EGFLAM: variants seen among roughly 807,000 people sequenced by gnomAD.
EGFLAM encodes the protein pikachurin.
Under a neutral mutation model 113.1 loss-of-function variants are expected in EGFLAM, and 79 were observed. The ratio of observed to expected loss-of-function variants is 0.70; its 90% CI spans 0.58 to 0.84. EGFLAM has a LOEUF of 0.84. Ranked by LOEUF, EGFLAM falls within the 40% of genes least tolerant of loss-of-function variation. The probability of loss-of-function intolerance (pLI) is 0.00; values close to 1 mark genes in which losing one functional copy is unlikely to be tolerated. For missense variants in EGFLAM, 1,265 were observed against 1,291.6 expected, an observed-to-expected ratio of 0.98 and a Z score of 0.32; for synonymous variants, 504 against 487.6, an observed-to-expected ratio of 1.03 and a Z score of -0.44.
chr5:38,434,368 C>T (rs1044999817), intron 15 of EGFLAM, among the ~76,000 whole-genome samples: 3 of 152,180 alleles, frequency 2.0e-5, no homozygotes, highest in Non-Finnish European at 4.4e-5. Context: ...GTCTGTATTC[C>T]CTGCTCGCAT....
intron 11 of EGFLAM, among the ~76,000 whole-genome samples, chr5:38,417,710 T>A (rs905408788): frequency 2.0e-5 from 3 of 152,132 alleles, no homozygotes; most frequent in Non-Finnish European, 4.4e-5. Flanking sequence ...CTAAGATCCT[T>A]CCAAAGTACA....
intron 15 of EGFLAM, among the ~76,000 whole-genome samples, chr5:38,433,270 A>G (rs1197390631): frequency 6.6e-6 from 1 of 152,188 alleles, no homozygotes; most frequent in Admixed American, 6.5e-5. Context: ...CCTGACCACC[A>G]GGCTGCTCAG....
chr5:38,274,278 G>T (rs1452623725), intron 1 of EGFLAM, among the ~76,000 whole-genome samples: 1 of 152,136 alleles, frequency 6.6e-6, no homozygotes, highest in African/African-American at 2.4e-5. Context: ...GGGGTAGAAA[G>T]CTTATTTAAA....
Position 38,338,801 on chromosome 5 carries a change from CAG to C in EGFLAM, c.291+21_291+22del. The C allele has an allele frequency of 3.7e-6, 6 of 1,610,742 alleles. No individual in the cohort carries two copies. Among genetic ancestry groups the C allele is most frequent in the Non-Finnish European group, 4.2e-6 (5 of 1,177,008 alleles). On this transcript the variant is annotated intron_variant, in intron 3 of 21. Transcript: ENST00000322350. ...ACCACGGTGAGTCTTTCCATCCTGG[CAG>C]CCCACTCAAAAGCATGTGGGCACTA...
At chr5:38,308,854 G>C (rs949489884) in intron 1 of EGFLAM, among the ~76,000 whole-genome samples, 4 of 152,182 alleles carry the variant, frequency 2.6e-5, no homozygotes, top group African/African-American at 9.7e-5. Context: ...CTACAAGGTT[G>C]CTGTGTTGAG....
chr5:38,451,846 G>A (rs1742923617), intron 19 of EGFLAM, among the ~76,000 whole-genome samples: 1 of 151,950 alleles, frequency 6.6e-6, no homozygotes, highest in Non-Finnish European at 1.5e-5. Flanking sequence ...ACAAAAATTA[G>A]CCGGGTGTGG....
In EGFLAM at chr5:38,438,318, C is replaced by T. The variant is rs1234824122; in HGVS notation, c.2327C>T (p.Thr776Ile). 2 of 1,614,010 alleles carry T rather than the reference C, an allele frequency of 1.2e-6. No individual in the cohort carries two copies. The highest frequency in any genetic ancestry group is 1.1e-5 in the South Asian group (1 of 91,034). The change falls in exon 17 of 22, where the codon ACC becomes ATC. Residue 776 changes from threonine (T) to isoleucine (I), a missense_variant. Physicochemically the swap from Thr to Ile is moderately conservative, Grantham distance 89. Coordinates refer to ENST00000322350, the MANE Select transcript of EGFLAM (RefSeq NM_152403.4). Reference protein sequence around the residue: ...DRTIHVKHDFTSGVNVENAAH... With the variant: ...DRTIHVKHDFISGVNVENAAH... ...ACCATCCATGTGAAGCATGACTTCA[C>T]CTCCGGAGTGAATGTGGAGAATGCG...
intron 16 of EGFLAM, among the ~76,000 whole-genome samples, chr5:38,437,700 C>G (rs983286614): frequency 1.3e-5 from 2 of 152,148 alleles, no homozygotes; most frequent in Admixed American, 1.3e-4. Context: ...CTTTGTAGTT[C>G]TTGGGACTTC....
chr5:38,448,394 C>T lies in EGFLAM; in HGVS notation c.2543+15C>T, dbSNP rs1742795785. On this transcript the variant is annotated intron_variant, in intron 18 of 21. Transcript: ENST00000322350. ...ATCTTGAAGAGGTAATAAGCTTCAA[C>T]AGGCACCTTCCTCAGCTTTCTGGGG... The T allele has an allele frequency of 3.7e-6, 6 of 1,613,508 alleles. No individual in the cohort carries two copies. Among genetic ancestry groups the T allele is most frequent in the African/African-American group, 1.3e-5 (1 of 75,040 alleles).
Position 38,435,185 on chromosome 5 carries a change from G to A in EGFLAM, c.2215G>A (p.Val739Ile). 6.2e-7 allele frequency: 1 copy of A among 1,614,152 alleles called. No individual in the cohort carries two copies. The highest frequency in any genetic ancestry group is 8.5e-7 in the Non-Finnish European group (1 of 1,180,036). ...KCNTDIFIGGVPNYDDVKKNS... is the reference protein window; with the variant it reads ...KCNTDIFIGGIPNYDDVKKNS... ...CAACACAGACATTTTCATTGGCGGA[G>A]TCCCCAATTATGATGATGTGAAGAA... is the stretch of plus-strand genomic sequence containing the variant. Residue 739 changes from valine (V) to isoleucine (I), a missense_variant, in exon 16 of 22, where the codon GTC (valine) becomes ATC (isoleucine). Physicochemically the swap from Val to Ile is conservative, Grantham distance 29. Coordinates refer to ENST00000322350, the MANE Select transcript of EGFLAM (RefSeq NM_152403.4).
At chr5:38,443,810 C>T (rs1360182571) in intron 17 of EGFLAM, among the ~76,000 whole-genome samples, 1 of 150,370 alleles carries the variant, frequency 6.7e-6, no homozygotes, top group African/African-American at 2.5e-5. Flanking sequence ...AACTCTGTCA[C>T]CCCAGGCTGG....
intron 6 of EGFLAM, among the ~76,000 whole-genome samples, chr5:38,382,956 G>A (rs1260248638): frequency 6.6e-6 from 1 of 152,188 alleles, no homozygotes; most frequent in East Asian, 1.9e-4. Flanking sequence ...TCCTTAGGGA[G>A]TGCAGGGGCA....
At chr5:38,373,696 C>T (rs1314557221) in intron 6 of EGFLAM, among the ~76,000 whole-genome samples, 1 of 152,178 alleles carries the variant, frequency 6.6e-6, no homozygotes, top group Non-Finnish European at 1.5e-5. Context: ...TGTGACTTTG[C>T]TATTGTGAAT....
rs143201595 is a variant in EGFLAM at position 38,458,365 on chromosome 5, T to C, written c.2742T>C (p.Asp914=). The C allele has an allele frequency of 1.4e-3, 2,196 of 1,614,094 alleles. 25 individuals carry two copies. In the African/African-American group the frequency reaches 0.025, roughly 18 times the overall value. Residue 914 remains aspartate, a synonymous_variant, in exon 20 of 22, where the codon GAT becomes GAC. Coordinates refer to ENST00000322350, the MANE Select transcript of EGFLAM (RefSeq NM_152403.4). ...ASIMVNGSFN[D]GRWHRVKAVR... is the part of the protein sequence containing the mutation. ...TCATGGTGAATGGCTCCTTCAACGATGGTCGGTGGCACCGAGTTAAGGCCG... is the reference window on the plus strand; with the variant it reads ...TCATGGTGAATGGCTCCTTCAACGACGGTCGGTGGCACCGAGTTAAGGCCG...
chr5:38,276,385 T>C lies in EGFLAM; in HGVS notation c.97+17534T>C, dbSNP rs556117598. ...AACTATTTCTTGAGAAAAATGAAAA[T>C]AGAATTACAACATATCAAAGCCTAT... On this transcript the variant is annotated intron_variant, in intron 1 of 21. Transcript: ENST00000322350. 3.3e-5 allele frequency among the ~76,000 whole-genome samples: 5 copies of C among 152,108 alleles called. No homozygotes were observed. The South Asian group carries it at 6.2e-4, about 19-fold the overall frequency.
chr5:38,316,438 A>T (rs1438487935), intron 1 of EGFLAM, among the ~76,000 whole-genome samples: 2 of 152,092 alleles, frequency 1.3e-5, no homozygotes, highest in Non-Finnish European at 2.9e-5. Context: ...ATAGCTACTT[A>T]ACTTCTCTGT....
At chr5:38,460,736 G>C (rs1743243895) in intron 20 of EGFLAM, among the ~76,000 whole-genome samples, 1 of 152,198 alleles carries the variant, frequency 6.6e-6, no homozygotes, top group Admixed American at 6.5e-5. Flanking sequence ...TTCTCAGGGG[G>C]AACTGGGTCA....
At chr5:38,307,280 C>A (rs1758745148) in intron 1 of EGFLAM, among the ~76,000 whole-genome samples, 2 of 152,062 alleles carry the variant, frequency 1.3e-5, no homozygotes, top group South Asian at 4.1e-4. Context: ...TGTCCCCACC[C>A]AAATCTCATC....
chr5:38,316,579 A>G (rs1306789214), intron 1 of EGFLAM, among the ~76,000 whole-genome samples: 2 of 152,202 alleles, frequency 1.3e-5, no homozygotes, highest in Non-Finnish European at 2.9e-5. Context: ...CATTTTAGCT[A>G]TGATGATTCT....
Sources: allele counts gnomAD v4.1 joint callset (sites outside exome capture counted in the v4.1 genomes callset), GRCh38; gene constraint gnomAD v4.1.1; transcripts MANE v1.5; gene names NCBI Gene and HGNC (gene_info 2026-07-23, HGNC 2026-07-21).